The following UBTF variants were observed in gnomAD, a reference collection of about 807,000 sequenced individuals.
UBTF encodes upstream binding transcription factor.
Under a neutral mutation model 112.3 loss-of-function variants are expected in UBTF, and 8 were observed. The observed-to-expected ratio is 0.07, with a 90% CI of 0.04 to 0.13. The LOEUF is 0.13. Ranked by LOEUF, UBTF falls within the 10% of genes least tolerant of loss-of-function variation. UBTF has a pLI of 1.00. For synonymous variants in UBTF, 417 were observed against 373.1 expected, an observed-to-expected ratio of 1.12 and a Z score of -1.36; for missense variants, 457 against 982.1, an observed-to-expected ratio of 0.47 and a Z score of 7.15.
At chr17:44,219,235 C>T (rs1396145603) in intron 1 of UBTF, 2 of 151,474 alleles carry the variant, frequency 1.3e-5, no homozygotes, top group Admixed American at 6.6e-5. Flanking sequence ...GCGCGGGCTC[C>T]TCCGCCAGCG....
chr17:44,207,856 AG>A lies in UBTF; in HGVS notation c.1953+7del, dbSNP rs773275901. On this transcript the variant is annotated splice_region_variant and intron_variant, in intron 18 of 20. Coordinates refer to ENST00000436088, the MANE Select transcript of UBTF (RefSeq NM_014233.4). ...CCTACCCCACTGCTGCTCTGCTCCCAGACTCACATTGGAGATGTACTCTTTA... is the reference window on the plus strand; with the variant it reads ...CCTACCCCACTGCTGCTCTGCTCCCAACTCACATTGGAGATGTACTCTTTA... The A allele has an allele frequency of 1.5e-5, 25 of 1,613,794 alleles. No individual in the cohort carries two copies. The highest frequency in any genetic ancestry group is 3.4e-6 in the Non-Finnish European group (4 of 1,180,024).
At position 44,207,684 on chromosome 17, in the gene UBTF, G is replaced by A; in HGVS notation, c.2025+15C>T. 6.2e-7 allele frequency: 1 copy of A among 1,614,166 alleles called. No individual in the cohort carries two copies. The highest frequency in any genetic ancestry group is 8.5e-7 in the Non-Finnish European group (1 of 1,180,030). ...CCCCCGCCCCACGCCCCTGCATCTGGGAGGGGCTCCTTACCGACTTGGACT... is the reference window on the plus strand; with the variant it reads ...CCCCCGCCCCACGCCCCTGCATCTGAGAGGGGCTCCTTACCGACTTGGACT... On this transcript the variant is annotated intron_variant, in intron 19 of 20. Coordinates refer to ENST00000436088, the MANE Select transcript of UBTF (RefSeq NM_014233.4).
rs528556222 is a variant in UBTF at position 44,215,185 on chromosome 17, A to G, written c.474+469T>C. On this transcript the variant is annotated intron_variant, in intron 5 of 20. Transcript: ENST00000436088. ...CTGGGGCACTAAATCCTGCTCTAGC[A>G]TCAATAGTTGTGTCACCCGGGACAC... 2.6e-5 allele frequency among the ~76,000 whole-genome samples: 4 copies of G among 152,356 alleles called. 1 individual carries two copies. Among genetic ancestry groups the G allele is most frequent in the African/African-American group, 9.6e-5 (4 of 41,596 alleles).
Position 44,211,399 on chromosome 17 carries a change from G to C in UBTF, c.1048-68C>G. ...CACCACAGACCCTGCAGTACTCGGAGGACAGTGACCTTCAGCGGGCCTCCA... is the reference window on the plus strand; with the variant it reads ...CACCACAGACCCTGCAGTACTCGGACGACAGTGACCTTCAGCGGGCCTCCA... On this transcript the variant is annotated intron_variant, in intron 10 of 20. Coordinates refer to ENST00000436088, the MANE Select transcript of UBTF (RefSeq NM_014233.4). This position sits in a 1 kb window ranked among gnomAD's most constrained non-coding sequence, Gnocchi z 4.9. 1 of 1,604,536 alleles carries C rather than the reference G, an allele frequency of 6.2e-7. No individual in the cohort carries two copies. The highest frequency in any genetic ancestry group is 8.5e-7 in the Non-Finnish European group (1 of 1,173,538).
At chr17:44,220,418 G>A (rs2144566376), upstream of UBTF, among the ~76,000 whole-genome samples, 1 of 152,256 alleles carries the variant, frequency 6.6e-6, no homozygotes. Context: ...GTGGCCGCTG[G>A]TTTGGGGCGC....
chr17:44,207,655 G>C (rs771377018), intron 19 of UBTF, 44 bp downstream of exon 19: 1 of 1,614,188 alleles, frequency 6.2e-7, no homozygotes, highest in Non-Finnish European at 8.5e-7. Flanking sequence ...ATTCCAGGCA[G>C]TGCCCCCCGC....
At chr17:44,208,137 C>A (rs1020841972) in intron 17 of UBTF, among the ~76,000 whole-genome samples, 2 of 131,230 alleles carry the variant, frequency 1.5e-5, no homozygotes, top group Admixed American at 8.6e-5. Flanking sequence ...GGGTCTTGCT[C>A]TGTCACCCAG....
intron 3 of UBTF, chr17:44,216,250 T>C: frequency 1.7e-6 from 1 of 604,298 alleles, no homozygotes; most frequent in Non-Finnish European, 2.9e-6. Flanking sequence ...TTGTCCATGC[T>C]AACACCTCCG....
intron 3 of UBTF, 149 bp from the exon 4 acceptor site, chr17:44,216,138 G>T (rs1192422721): frequency 5.8e-6 from 4 of 693,416 alleles, no homozygotes; most frequent in Non-Finnish European, 7.4e-6. Context: ...AATGAAGCAG[G>T]CAGCATGACA....
chr17:44,211,773 G>C lies in UBTF; in HGVS notation c.906-26C>G. 6.2e-7 allele frequency: 1 copy of C among 1,601,680 alleles called. No individual in the cohort carries two copies. Among genetic ancestry groups the C allele is most frequent in the South Asian group, 1.1e-5 (1 of 90,730 alleles). Reference sequence around the variant, plus strand: ...CTATCAGAGCCGCGGGGAGAGAGGTGCAGCCCGTAAGCGAGCAGGGCAGCA... The same window carrying C: ...CTATCAGAGCCGCGGGGAGAGAGGTCCAGCCCGTAAGCGAGCAGGGCAGCA... On this transcript the variant is annotated intron_variant, in intron 9 of 20. Transcript: ENST00000436088. The surrounding 1 kb of genome is among the most constrained non-coding windows in gnomAD (Gnocchi z 4.9).
chr17:44,209,260 G>T, intron 17 of UBTF, 92 bp downstream of exon 17: 1 of 1,341,150 alleles, frequency 7.5e-7, no homozygotes, highest in Non-Finnish European at 1.0e-6. Context: ...AATGAGACCA[G>T]CCAGCACAAG....
intron 2 of UBTF, 65 bp from the exon 3 acceptor site, chr17:44,216,769 T>G (rs1172117809): frequency 3.8e-5 from 59 of 1,532,890 alleles, no homozygotes; most frequent in Non-Finnish European, 5.2e-5. Context: ...GTTCCCCAGT[T>G]CTTGAGTGCT....
rs1598213515 is a variant in UBTF at position 44,207,745 on chromosome 17, C to T, written c.1979G>A (p.Arg660Gln). 6 of 1,613,970 alleles carry T rather than the reference C, an allele frequency of 3.7e-6. No homozygotes were observed. The highest frequency in any genetic ancestry group is 1.7e-5 in the Admixed American group (1 of 59,996). The change falls in exon 19 of 21, where the codon CGA becomes CAA. Residue 660 changes from arginine (R) to glutamine (Q), a missense_variant. Arg to Gln is a conservative substitution (Grantham distance 43, BLOSUM62 1). Coordinates refer to ENST00000436088, the MANE Select transcript of UBTF (RefSeq NM_014233.4). ...CCGGCTGGATTTGGGGTTTGGGCCTCGCAGCTTGGTCATGCTCTTACGTTT... is the reference window on the plus strand; with the variant it reads ...CCGGCTGGATTTGGGGTTTGGGCCTTGCAGCTTGGTCATGCTCTTACGTTT... ...SNKRKSMTKL[R>Q]GPNPKSSRTT...
upstream of UBTF, chr17:44,220,936 CGCCT>C (rs1322553712): frequency 4.0e-5 from 6 of 148,674 alleles, no homozygotes; most frequent in Admixed American, 3.4e-4. Flanking sequence ...CCCGCCCGCC[CGCCT>C]CGGCGCAGCG....
Position 44,207,231 on chromosome 17 carries a change from G to C in UBTF, c.*11C>G. ...GGGCTCTCCCTGGCTGCCCTGGGGT[G>C]GGGCTGAGCCTCAGTTGGAGTCAGA... On this transcript the variant is annotated 3_prime_UTR_variant, in exon 21 of 21. Transcript: ENST00000436088. The C allele has an allele frequency of 3.7e-6, 6 of 1,613,424 alleles. No individual in the cohort carries two copies. Among genetic ancestry groups the C allele is most frequent in the Non-Finnish European group, 5.1e-6 (6 of 1,179,828 alleles).
rs757693405 is a variant in UBTF at position 44,211,866 on chromosome 17, C to T, written c.905+7G>A. 3.2e-5 allele frequency: 51 copies of T among 1,612,136 alleles called. No individual in the cohort carries two copies. The highest frequency in any genetic ancestry group is 7.7e-5 in the South Asian group (7 of 90,932). On this transcript the variant is annotated splice_region_variant and intron_variant, in intron 9 of 20. Coordinates refer to ENST00000436088, the MANE Select transcript of UBTF (RefSeq NM_014233.4). The surrounding 1 kb of genome is among the most constrained non-coding windows in gnomAD (Gnocchi z 4.9). The stretch of plus-strand genomic sequence containing the variant: ...CACTCGCCCACCCATCCCAGGGCAG[C>T]GCTCACGGAGGTGGCTTGGTGGGTC...
At position 44,212,930 on chromosome 17, in the gene UBTF, G is replaced by A; in HGVS notation, c.549C>T (p.His183=). Residue 183 remains histidine, a synonymous_variant, in exon 7 of 21, where the codon CAC becomes CAT. Coordinates refer to ENST00000436088, the MANE Select transcript of UBTF (RefSeq NM_014233.4). ...TCTTGGCATTCTGGATTAGGTCGGG[G>A]TGATCCTCCCTAGCCAGGACACGGG... The part of the protein sequence containing the change: ...ERNLARFRED[H]PDLIQNAKKS... 1 of 1,614,030 alleles carries A rather than the reference G, an allele frequency of 6.2e-7. No individual in the cohort carries two copies. Among genetic ancestry groups the A allele is most frequent in the Non-Finnish European group, 8.5e-7 (1 of 1,179,930 alleles).
intron 13 of UBTF, 108 bp from the exon 14 acceptor site, chr17:44,210,581 CAGATGTCTCCCGCCT>C (rs1335534724): frequency 2.8e-6 from 4 of 1,417,048 alleles, no homozygotes; most frequent in Non-Finnish European, 9.2e-7. Context: ...TGGGCTGGTG[CAGATGTCTCCCGCCT>C]GGGGCTCGCC....
rs199695548 is a variant in UBTF, at chr17:44,206,459, T to G, written c.*783A>C. On this transcript the variant is annotated 3_prime_UTR_variant, in exon 21 of 21. Transcript: ENST00000436088. ...ACACTCTTTTGCACACATCCACAGCTGCACCCATGCTATGTACAGGAACAC... is the reference window on the plus strand; with the variant it reads ...ACACTCTTTTGCACACATCCACAGCGGCACCCATGCTATGTACAGGAACAC... 24 of 150,486 alleles carry G rather than the reference T, an allele frequency of 1.6e-4. No individual in the cohort carries two copies. The East Asian group carries it at 4.5e-3, about 28-fold the overall frequency. The allele number at this position is 150,486 out of a possible 1,614,324, so 9.3% of individuals were successfully genotyped here. A position where few individuals can be genotyped will look rare whatever the true frequency, so the allele number is the denominator to read the frequency against.
Sources: allele counts gnomAD v4.1 joint callset (sites outside exome capture counted in the v4.1 genomes callset), GRCh38; gene constraint gnomAD v4.1.1; non-coding constraint Gnocchi (gnomAD v3.1); transcripts MANE v1.5; gene names NCBI Gene and HGNC (gene_info 2026-07-23, HGNC 2026-07-21).